The following UMODL1 variants were observed in gnomAD, a reference collection of about 807,000 sequenced individuals.
The protein encoded by UMODL1 is uromodulin like 1.
A neutral mutation model predicts 136.3 loss-of-function variants in UMODL1; 128 were observed. The observed-to-expected ratio is 0.94, with a 90% CI of 0.81 to 1.09. The LOEUF is 1.09. Ranked by LOEUF, UMODL1 falls within the 50% of genes least tolerant of loss-of-function variation. UMODL1 has a pLI of 0.00. For synonymous variants in UMODL1, 721 were observed against 720.0 expected, an observed-to-expected ratio of 1.00 and a Z score of -0.02; for missense variants, 1,766 against 1,725.6, an observed-to-expected ratio of 1.02 and a Z score of -0.41.
At chr21:42,103,605 C>T (rs1037162974) in intron 8 of UMODL1, 9 of 607,444 alleles carry the variant, frequency 1.5e-5, no homozygotes, top group Middle Eastern at 5.1e-4. Context: ...CCATCTGATG[C>T]TCCACAACTG....
chr21:42,069,145 A>G (rs937970868), upstream of UMODL1, among the ~76,000 whole-genome samples: 3 of 151,992 alleles, frequency 2.0e-5, no homozygotes, highest in Non-Finnish European at 4.4e-5. Context: ...GCAAATGTGA[A>G]AAATCCCTCC....
chr21:42,064,587 G>A (rs755390121), intron 1 of UMODL1, among the ~76,000 whole-genome samples: 5 of 151,936 alleles, frequency 3.3e-5, no homozygotes, highest in South Asian at 2.1e-4. Context: ...ACAGAGTTTC[G>A]CTTTAGTTGC....
At chr21:42,126,606 A>C in intron 18 of UMODL1, 116 bp downstream of exon 18, 4 of 1,466,788 alleles carry the variant, frequency 2.7e-6, no homozygotes, top group Non-Finnish European at 3.7e-6. Flanking sequence ...GGAATATACA[A>C]ATGGGTGTGG....
At position 42,110,983 on chromosome 21, in the gene UMODL1, C is replaced by G; in HGVS notation, c.1761C>G (p.Thr587=). ...GTAALGLENF[T]LSPSPGYPQG... ...CAGCCCTCGGCCTAGAGAACTTCAC[C>G]TTGTCACCCAGTCCTGGGTACCCTC... Residue 587 remains threonine (T), a synonymous_variant, in exon 11 of 23, where the codon ACC becomes ACG. Transcript: ENST00000408910. 1 of 1,613,048 alleles carries G rather than the reference C, an allele frequency of 6.2e-7. No homozygotes were observed. Among genetic ancestry groups the G allele is most frequent in the Non-Finnish European group, 8.5e-7 (1 of 1,179,746 alleles).
chr21:42,113,606 A>G lies in UMODL1; in HGVS notation c.2138A>G (p.Asn713Ser), dbSNP rs774580638. 43 of 1,613,946 alleles carry G rather than the reference A, an allele frequency of 2.7e-5. No homozygotes were observed. Among genetic ancestry groups the G allele is most frequent in the East Asian group, 4.5e-5 (2 of 44,898 alleles). ...TCCATTGGGAGGATCATGGTCTCCA[A>G]TGTGACCAGCACCGGCTTCCACCTG... ...PVSIGRIMVS[N>S]VTSTGFHLAW... The change falls in exon 13 of 23, where the codon AAT (asparagine) becomes AGT (serine). Residue 713 changes from asparagine (N) to serine (S), a missense_variant. Physicochemically the swap from Asn to Ser is conservative, Grantham distance 46. Transcript: ENST00000408910.
At position 42,099,329 on chromosome 21, in the gene UMODL1, A is replaced by G; in HGVS notation, c.1186+149A>G. ...GCACTTCCTCCCTCCCCTCCCAGTC[A>G]TCCCACTGCCTGCCCGGCATTGCAC... On this transcript the variant is annotated intron_variant, in intron 7 of 22. Coordinates refer to ENST00000408910, the MANE Select transcript of UMODL1 (RefSeq NM_001004416.3). This position sits in a 1 kb window ranked among gnomAD's most constrained non-coding sequence, Gnocchi z 4.1. 1 of 1,230,348 alleles carries G rather than the reference A, an allele frequency of 8.1e-7. No individual in the cohort carries two copies. Among genetic ancestry groups the G allele is most frequent in the Non-Finnish European group, 1.1e-6 (1 of 909,978 alleles). 76.2% of individuals were successfully genotyped at this position (1,230,348 alleles called of 1,614,324 possible).
chr21:42,111,463 C>T, intron 11 of UMODL1, 43 bp from the exon 12 acceptor site: 1 of 1,613,822 alleles, frequency 6.2e-7, no homozygotes, highest in Non-Finnish European at 8.5e-7. Flanking sequence ...CCCACAGCTT[C>T]CCTCCTGGGG....
rs375450396 is a variant in UMODL1, at chr21:42,127,953, C to T, written c.3690+122C>T. 3.5e-5 allele frequency: 45 copies of T among 1,298,506 alleles called. No individual in the cohort carries two copies. The East Asian group carries it at 1.0e-3, about 29-fold the overall frequency. The allele number at this position is 1,298,506 out of a possible 1,614,324, so 80.4% of individuals were successfully genotyped here. A position where few individuals can be genotyped will look rare whatever the true frequency, so the allele number is the denominator to read the frequency against. Reference sequence around the variant, plus strand: ...CTCGGGGCCAACCTCTGGGAGGAGTCGCTGTGCCTGTCCTGCAGACTCCGC... The same window carrying T: ...CTCGGGGCCAACCTCTGGGAGGAGTTGCTGTGCCTGTCCTGCAGACTCCGC... On this transcript the variant is annotated intron_variant, in intron 20 of 22. Transcript: ENST00000408910.
At chr21:42,121,013 C>T (rs1413726340) in intron 15 of UMODL1, 74 bp from the exon 16 acceptor site, 16 of 1,544,256 alleles carry the variant, frequency 1.0e-5, no homozygotes, top group South Asian at 5.0e-5. Context: ...GATGCACTCT[C>T]CCCCAACCAG....
At chr21:42,134,422 G>T (rs1030352260) in intron 21 of UMODL1, among the ~76,000 whole-genome samples, 3 of 152,098 alleles carry the variant, frequency 2.0e-5, no homozygotes, top group African/African-American at 7.2e-5. Flanking sequence ...TGTGCTAAAA[G>T]GCCAAGAAAT....
intron 22 of UMODL1, among the ~76,000 whole-genome samples, chr21:42,141,509 C>T (rs1337159718): frequency 1.3e-5 from 2 of 152,218 alleles, no homozygotes; most frequent in Non-Finnish European, 2.9e-5. Flanking sequence ...AACACTATCC[C>T]GCTAGCTTTC....
intron 22 of UMODL1, among the ~76,000 whole-genome samples, chr21:42,137,905 G>A (rs2067230585): frequency 6.6e-6 from 1 of 152,168 alleles, no homozygotes; most frequent in Non-Finnish European, 1.5e-5. Flanking sequence ...ATATGTGTGT[G>A]TCTGTGTTTT....
chr21:42,070,084 C>T (rs577935482), upstream of UMODL1, among the ~76,000 whole-genome samples: 531 of 152,300 alleles, frequency 3.5e-3, 3 homozygotes, highest in Middle Eastern at 6.8e-3. Flanking sequence ...CAAGCAAATG[C>T]AGCAGTTCAT....
At chr21:42,124,351 C>A (rs2067022957) in intron 17 of UMODL1, among the ~76,000 whole-genome samples, 1 of 152,110 alleles carries the variant, frequency 6.6e-6, no homozygotes. Context: ...TCAGAGGGAG[C>A]CCGTGCCGGC....
rs200911080 is a variant in UMODL1 at position 42,126,410 on chromosome 21, C to T, written c.3213C>T (p.His1071=). The T allele has an allele frequency of 3.7e-6, 6 of 1,614,240 alleles. No individual in the cohort carries two copies. The East Asian group carries it at 1.3e-4, about 36-fold the overall frequency. ...ACCTGTCCCAGGAGGGCATCATCCA[C>T]CACCTGAAGATCCTGAGCCCCATCT... ...RNDLSQEGII[H]HLKILSPIYC... Residue 1071 remains histidine (H), a synonymous_variant, in exon 18 of 23, where the codon CAC becomes CAT. Coordinates refer to ENST00000408910, the MANE Select transcript of UMODL1 (RefSeq NM_001004416.3).
chr21:42,078,190 A>G (rs1200333011), intron 2 of UMODL1, among the ~76,000 whole-genome samples: 24 of 133,900 alleles, frequency 1.8e-4, no homozygotes, highest in Admixed American at 2.9e-4. Flanking sequence ...ACCAATAGAA[A>G]CCAGGCGGGG....
At chr21:42,095,026 C>G (rs2066537173) in intron 6 of UMODL1, among the ~76,000 whole-genome samples, 1 of 150,926 alleles carries the variant, frequency 6.6e-6, no homozygotes, top group Non-Finnish European at 1.5e-5. Flanking sequence ...TGCCTCTCTG[C>G]CCTCTGGTGG....
At chr21:42,131,102 T>C (rs972002557) in intron 21 of UMODL1, among the ~76,000 whole-genome samples, 6 of 152,196 alleles carry the variant, frequency 3.9e-5, no homozygotes, top group African/African-American at 7.2e-5. Context: ...CATGAGCCAC[T>C]GCTCCCGGAC....
Position 42,085,791 on chromosome 21 carries a change from T to C in UMODL1, c.603+379T>C, listed in dbSNP as rs1315583461. Among the ~76,000 whole-genome samples, 2 of 152,176 alleles carry C rather than the reference T, an allele frequency of 1.3e-5. No individual in the cohort carries two copies. Among genetic ancestry groups the C allele is most frequent in the African/African-American group, 4.8e-5 (2 of 41,442 alleles). ...CCCAATTTCTTCAAGTTCTGGCTCCTGCTTCGTGGAAGCCAGCACCAACCT... is the reference window on the plus strand; with the variant it reads ...CCCAATTTCTTCAAGTTCTGGCTCCCGCTTCGTGGAAGCCAGCACCAACCT... On this transcript the variant is annotated intron_variant, in intron 4 of 22. Coordinates refer to ENST00000408910, the MANE Select transcript of UMODL1 (RefSeq NM_001004416.3). This position sits in a 1 kb window ranked among gnomAD's most constrained non-coding sequence, Gnocchi z 4.5.
Sources: gnomAD v4.1 joint callset for allele counts (sites outside exome capture counted in the v4.1 genomes callset) on GRCh38, gnomAD v4.1.1 for gene constraint, Gnocchi (gnomAD v3.1) non-coding constraint, MANE v1.5 for transcripts, NCBI Gene and HGNC (gene_info 2026-07-23, HGNC 2026-07-21) for gene names.